Variants in TLN2 observed in about 807,000 individuals in gnomAD.
The protein encoded by TLN2 is talin-2.
In TLN2, 118 loss-of-function variants were observed where a neutral mutation model predicts 294.7. That is an observed-to-expected ratio of 0.40 (90% CI 0.34 to 0.47). The LOEUF is 0.47. Ranked by LOEUF, TLN2 falls within the 20% of genes least tolerant of loss-of-function variation. TLN2 has a pLI of 0.84. For missense variants in TLN2, 3,083 were observed against 3,282.2 expected (o/e 0.94, Z 1.48); for synonymous variants, 1,431 against 1,304.5 (o/e 1.10, Z -2.09).
chr15:62,733,779 G>C (rs759286831), intron 28 of TLN2: 1 of 152,256 alleles, frequency 6.6e-6, no homozygotes, highest in Non-Finnish European at 1.5e-5. Flanking sequence ...AAAGTAATCT[G>C]TGTTTTCAAA....
intron 1 of TLN2, among the ~76,000 whole-genome samples, chr15:62,529,188 G>A (rs1418100393): frequency 6.6e-6 from 1 of 151,786 alleles, no homozygotes; most frequent in Non-Finnish European, 1.5e-5. Context: ...CGACTTCCTG[G>A]GCTCAGTTGA....
intron 48 of TLN2, among the ~76,000 whole-genome samples, chr15:62,799,192 C>T (rs1272522556): frequency 2.6e-5 from 4 of 152,164 alleles, no homozygotes; most frequent in Non-Finnish European, 5.9e-5. Context: ...CTCTGAATCC[C>T]AACTCTGCCA....
chr15:62,836,142 G>A (rs1283095257), intron 57 of TLN2, 69 bp downstream of exon 57: 2 of 1,533,704 alleles, frequency 1.3e-6, no homozygotes, highest in Admixed American at 2.0e-5. Context: ...GAGGGGACAA[G>A]CCTCACTTCC....
chr15:62,496,433 C>T (rs2039021389), intron 1 of TLN2, among the ~76,000 whole-genome samples: 1 of 152,200 alleles, frequency 6.6e-6, no homozygotes, highest in South Asian at 2.1e-4. Flanking sequence ...TAAAAGAGCT[C>T]CACCCGTGAC....
At chr15:62,610,546 G>GGCACTATGT (rs1313424732) in intron 2 of TLN2, among the ~76,000 whole-genome samples, 1 of 152,094 alleles carries the variant, frequency 6.6e-6, no homozygotes, top group African/African-American at 2.4e-5. Context: ...ACAGCACCTC[G>GGCACTATGT]GCACTATGTT....
intron 1 of TLN2, among the ~76,000 whole-genome samples, chr15:62,427,182 T>C (rs2034761986): frequency 6.6e-6 from 1 of 152,188 alleles, no homozygotes; most frequent in Non-Finnish European, 1.5e-5. Flanking sequence ...GGTCTTTCTC[T>C]GCATGATATC....
chr15:62,410,532 T>C (rs1037978471), intron 1 of TLN2, among the ~76,000 whole-genome samples: 4 of 152,240 alleles, frequency 2.6e-5, no homozygotes, highest in African/African-American at 9.6e-5. Context: ...AAGTAAAGAT[T>C]CCTTTTGTGA....
chr15:62,404,886 A>G (rs2033294305), intron 1 of TLN2, among the ~76,000 whole-genome samples: 1 of 152,244 alleles, frequency 6.6e-6, no homozygotes, highest in South Asian at 2.1e-4. Context: ...CCTGAGGCAC[A>G]GCCACAAAGC....
chr15:62,479,220 CTG>C (rs1036212040), intron 1 of TLN2, among the ~76,000 whole-genome samples: 55 of 152,272 alleles, frequency 3.6e-4, no homozygotes, highest in African/African-American at 1.2e-3. Context: ...AACCTTGTGC[CTG>C]TGTGCATTTA....
At chr15:62,680,532 G>C (rs565440999) in intron 11 of TLN2, among the ~76,000 whole-genome samples, 1 of 149,574 alleles carries the variant, frequency 6.7e-6, no homozygotes, top group South Asian at 2.1e-4. Flanking sequence ...GATAAAAAGA[G>C]ATCACATGCA....
intron 2 of TLN2, among the ~76,000 whole-genome samples, chr15:62,605,750 G>A (rs547280451): frequency 2.6e-5 from 4 of 152,200 alleles, no homozygotes; most frequent in Non-Finnish European, 2.9e-5. Context: ...TGTCATTGGT[G>A]TATCTAAGTC....
chr15:62,587,879 T>G (rs983360932), intron 1 of TLN2, among the ~76,000 whole-genome samples: 1 of 152,210 alleles, frequency 6.6e-6, no homozygotes, highest in Non-Finnish European at 1.5e-5. Context: ...CTCCACTTTC[T>G]AAAATTACTT....
At chr15:62,792,872 C>G in intron 46 of TLN2, 85 bp downstream of exon 46, 1 of 1,557,856 alleles carries the variant, frequency 6.4e-7, no homozygotes, top group Non-Finnish European at 8.6e-7. Flanking sequence ...AAGCAGGAAA[C>G]TCAGCCAAAA....
At chr15:62,401,178 C>G (rs1363622731) in intron 1 of TLN2, among the ~76,000 whole-genome samples, 1 of 152,150 alleles carries the variant, frequency 6.6e-6, no homozygotes, top group Non-Finnish European at 1.5e-5. Context: ...TTTGGATGAA[C>G]CAAAGCTCAA....
intron 2 of TLN2, among the ~76,000 whole-genome samples, chr15:62,597,683 A>G (rs1016777149): frequency 1.3e-5 from 2 of 152,200 alleles, no homozygotes; most frequent in African/African-American, 2.4e-5. Context: ...GCTTGGGTCC[A>G]GAAGTGCTTC....
chr15:62,780,628 G>A (rs1448060761), intron 43 of TLN2, among the ~76,000 whole-genome samples: 1 of 152,142 alleles, frequency 6.6e-6, no homozygotes, highest in African/African-American at 2.4e-5. Context: ...TTTATTCCTA[G>A]TGCTTCTAAT....
intron 18 of TLN2, 27 bp downstream of exon 18, chr15:62,702,227 C>T (rs2058760434): frequency 4.5e-6 from 7 of 1,555,472 alleles, no homozygotes; most frequent in Non-Finnish European, 6.1e-6. Context: ...AGCAATCACT[C>T]AGGTTCTGAT....
chr15:62,535,296 C>G (rs890747384), intron 1 of TLN2, among the ~76,000 whole-genome samples: 1 of 152,172 alleles, frequency 6.6e-6, no homozygotes, highest in African/African-American at 2.4e-5. Context: ...CTCCCAGATT[C>G]TGATGTAATT....
intron 3 of TLN2, among the ~76,000 whole-genome samples, chr15:62,636,585 T>C (rs2050407959): frequency 6.6e-6 from 1 of 152,318 alleles, no homozygotes; most frequent in East Asian, 1.9e-4. Flanking sequence ...TCTTCAAAAT[T>C]GAAGAAAATT....
Sources: allele counts gnomAD v4.1 joint callset (sites outside exome capture counted in the v4.1 genomes callset), GRCh38; gene constraint gnomAD v4.1.1; transcripts MANE v1.5; gene names NCBI Gene and HGNC (gene_info 2026-07-23, HGNC 2026-07-21).